Variants in CENPO observed in about 807,000 individuals in gnomAD.
The protein encoded by CENPO is centromeric protein O.
A neutral mutation model predicts 36.1 loss-of-function variants in CENPO; 30 were observed. The observed-to-expected ratio is 0.83, with a 90% CI of 0.62 to 1.13. The LOEUF (loss-of-function observed/expected upper bound fraction) is 1.13. Ranked by LOEUF, CENPO falls within the 50% of genes most tolerant of loss-of-function variation. The probability of loss-of-function intolerance (pLI) is 0.00; values close to 1 mark genes in which losing one functional copy is unlikely to be tolerated. For missense variants in CENPO, 349 were observed against 357.8 expected (o/e 0.98, Z 0.20); for synonymous variants, 171 against 142.3 (o/e 1.20, Z -1.44).
At position 24,815,504 on chromosome 2, in the gene CENPO, T is replaced by G; in HGVS notation, c.342T>G (p.Ser114Arg). 1 of 1,613,796 alleles carries G rather than the reference T, an allele frequency of 6.2e-7. No homozygotes were observed. The highest frequency in any genetic ancestry group is 8.5e-7 in the Non-Finnish European group (1 of 1,179,722). The change falls in exon 5 of 8, where the codon AGT (serine) becomes AGG (arginine). Residue 114 changes from serine (S) to arginine (R), a missense_variant. Physicochemically the swap from Ser to Arg is moderately radical, Grantham distance 110. Coordinates refer to ENST00000380834, the MANE Select transcript of CENPO (RefSeq NM_001322101.2). ...TCTTCTTGTTTGCCTCAGGCCTCAG[T>G]GGTAAACTGACCAGCCGAGGAGTTT... ...ILQAYHFTGL[S>R]GKLTSRGVCV...
At position 24,822,006 on chromosome 2, in the gene CENPO, G is replaced by A. The variant is rs576205416; in HGVS notation, c.*2688G>A. 1.6e-4 allele frequency: 37 copies of A among 236,430 alleles called. No homozygotes were observed. In the East Asian group the frequency reaches 1.7e-3, roughly 11 times the overall value. The allele number at this position is 236,430 out of a possible 1,614,324, so 14.6% of individuals were successfully genotyped here. ...TGGAGGGGGATGACCCGCCTTGGACGTGTTTCTTTAACCTCATCCATATAA... is the reference window on the plus strand; with the variant it reads ...TGGAGGGGGATGACCCGCCTTGGACATGTTTCTTTAACCTCATCCATATAA... On this transcript the variant is annotated 3_prime_UTR_variant, in exon 8 of 8. Transcript: ENST00000380834.
intron 2 of CENPO, among the ~76,000 whole-genome samples, chr2:24,796,946 G>A (rs1364568305): frequency 1.3e-5 from 2 of 152,180 alleles, no homozygotes; most frequent in Non-Finnish European, 2.9e-5. Flanking sequence ...GGAGCAGCAT[G>A]ATACTGATGA....
intron 5 of CENPO, 135 bp downstream of exon 5, chr2:24,815,891 A>G (rs1666919717): frequency 1.2e-6 from 1 of 810,322 alleles, no homozygotes; most frequent in South Asian, 1.8e-5. Context: ...CTTGTTTCTT[A>G]TTTATATAAA....
Position 24,821,052 on chromosome 2 carries a change from C to T in CENPO, c.*1734C>T, listed in dbSNP as rs372000083. 1.2e-5 allele frequency: 8 copies of T among 658,458 alleles called. No individual in the cohort carries two copies. Among genetic ancestry groups the T allele is most frequent in the Admixed American group, 9.6e-5 (3 of 31,190 alleles). 40.8% of individuals were successfully genotyped at this position (658,458 alleles called of 1,614,324 possible). ...CTTGTTAGGTGTCAGCCGCCACCCC[C>T]CCCCCATATGCAGATTTACTCGGCA... On this transcript the variant is annotated 3_prime_UTR_variant, in exon 8 of 8. Coordinates refer to ENST00000380834, the MANE Select transcript of CENPO (RefSeq NM_001322101.2).
rs1666903966 is a variant in CENPO at position 24,815,595 on chromosome 2, C to A, written c.433C>A (p.Gln145Lys). The change falls in exon 5 of 8, where the codon CAG (glutamine) becomes AAG (lysine). Residue 145 changes from glutamine to lysine, a missense_variant. Gln to Lys is a moderately conservative substitution (Grantham distance 53). Transcript: ENST00000380834. ...TTCCTATTTTGTGGACCTTGTCATACAGAAACCACTCCGGATACATCACCA... is the reference window on the plus strand; with the variant it reads ...TTCCTATTTTGTGGACCTTGTCATAAAGAAACCACTCCGGATACATCACCA... ...LDSYFVDLVI[Q>K]KPLRIHHHSV... 1.9e-6 allele frequency: 3 copies of A among 1,613,986 alleles called. No homozygotes were observed. The highest frequency in any genetic ancestry group is 1.6e-4 in the Middle Eastern group (1 of 6,084).
At chr2:24,799,590 T>C in intron 2 of CENPO, 85 bp from the exon 3 acceptor site, 2 of 995,082 alleles carry the variant, frequency 2.0e-6, no homozygotes, top group Non-Finnish European at 2.9e-6. Context: ...AAAAAAAGAG[T>C]CACCTGTTCT....
chr2:24,793,643 C>T, intron 1 of CENPO, 142 bp downstream of exon 1: 6 of 1,322,474 alleles, frequency 4.5e-6, no homozygotes, highest in African/African-American at 1.5e-5. Flanking sequence ...CTCGGGAGCG[C>T]GCCGGGGCCG....
chr2:24,820,295 A>G lies in CENPO; in HGVS notation c.*977A>G. 2.3e-6 allele frequency: 3 copies of G among 1,285,018 alleles called. No homozygotes were observed. Among genetic ancestry groups the G allele is most frequent in the Non-Finnish European group, 3.0e-6 (3 of 998,930 alleles). 79.6% of individuals were successfully genotyped at this position (1,285,018 alleles called of 1,614,324 possible). A position where few individuals can be genotyped will look rare whatever the true frequency, so the allele number is the denominator to read the frequency against. ...GTGGCGAGCAGCGGGTGGGAAGGAG[A>G]ACCCTGGAGTGACTGGCTGGGGGCC... On this transcript the variant is annotated 3_prime_UTR_variant, in exon 8 of 8. Coordinates refer to ENST00000380834, the MANE Select transcript of CENPO (RefSeq NM_001322101.2).
At chr2:24,793,807 A>G in intron 1 of CENPO, 45 bp from the exon 2 acceptor site, 7 of 1,424,306 alleles carry the variant, frequency 4.9e-6, no homozygotes, top group Non-Finnish European at 6.9e-6. Flanking sequence ...CTGGGTTTGA[A>G]TGGGACTAGA....
chr2:24,803,622 C>A (rs1230820910), intron 3 of CENPO, among the ~76,000 whole-genome samples: 1 of 152,106 alleles, frequency 6.6e-6, no homozygotes, highest in Non-Finnish European at 1.5e-5. Flanking sequence ...GTTCAGTTTC[C>A]ATGTAGTTGA....
intron 1 of CENPO, 24 bp from the exon 2 acceptor site, chr2:24,793,828 C>G: frequency 6.4e-7 from 1 of 1,554,082 alleles, no homozygotes; most frequent in Non-Finnish European, 8.9e-7. Context: ...TGTGATGTGA[C>G]TGTTGCCATT....
At position 24,821,189 on chromosome 2, in the gene CENPO, C is replaced by G. The variant is rs1667643453; in HGVS notation, c.*1871C>G. The G allele has an allele frequency of 2.3e-6, 1 of 432,644 alleles. No homozygotes were observed. Among genetic ancestry groups the G allele is most frequent in the East Asian group, 4.4e-5 (1 of 22,756 alleles). 26.8% of individuals were successfully genotyped at this position (432,644 alleles called of 1,614,324 possible). ...GGTGATCTTAACTCCTTTCAAAGAG[C>G]AGGCCTGTCTGGGAAGCCATGTCCT... On this transcript the variant is annotated 3_prime_UTR_variant, in exon 8 of 8. Coordinates refer to ENST00000380834, the MANE Select transcript of CENPO (RefSeq NM_001322101.2).
rs1345641829 is a variant in CENPO at position 24,793,445 on chromosome 2, G to A, written c.-125G>A. The A allele has an allele frequency of 1.9e-6, 3 of 1,606,232 alleles. No individual in the cohort carries two copies. The highest frequency in any genetic ancestry group is 1.7e-5 in the Admixed American group (1 of 59,194). On this transcript the variant is annotated 5_prime_UTR_variant, in exon 1 of 8. Transcript: ENST00000380834. ...ACGGCAGGATCGCAAAGCACGCCGG[G>A]ACCGGTTGGTTTGGTTTTGAAGACG... is the stretch of plus-strand genomic sequence containing the variant.
chr2:24,821,484 C>A lies in CENPO; in HGVS notation c.*2166C>A, dbSNP rs1667703045. 1.2e-6 allele frequency: 2 copies of A among 1,610,712 alleles called. No homozygotes were observed. The highest frequency in any genetic ancestry group is 2.7e-5 in the African/African-American group (2 of 74,900). On this transcript the variant is annotated 3_prime_UTR_variant, in exon 8 of 8. Coordinates refer to ENST00000380834, the MANE Select transcript of CENPO (RefSeq NM_001322101.2). ...CCAGGCCCCTGCATGGGAAGGGAGC[C>A]TGCTGCGGGGCAGGCCAGCTGGGGG...
intron 3 of CENPO, 117 bp downstream of exon 3, chr2:24,799,961 A>G (rs1666089294): frequency 8.6e-7 from 1 of 1,165,998 alleles, no homozygotes; most frequent in East Asian, 2.4e-5. Context: ...TACTGGATTG[A>G]TTGCAGTCCT....
Position 24,821,614 on chromosome 2 carries a change from C to T in CENPO, c.*2296C>T. On this transcript the variant is annotated 3_prime_UTR_variant, in exon 8 of 8. Transcript: ENST00000380834. Reference sequence around the variant, plus strand: ...AGTCGGCCAGGTCAGCCAGGTGCTGCCAGCGCTCTCTCTCGGACTTGTCTT... The same window carrying T: ...AGTCGGCCAGGTCAGCCAGGTGCTGTCAGCGCTCTCTCTCGGACTTGTCTT... The T allele has an allele frequency of 1.2e-6, 2 of 1,614,154 alleles. No individual in the cohort carries two copies. Among genetic ancestry groups the T allele is most frequent in the Non-Finnish European group, 1.7e-6 (2 of 1,180,026 alleles).
At chr2:24,795,716 AC>A (rs1665870374) in intron 2 of CENPO, among the ~76,000 whole-genome samples, 1 of 152,088 alleles carries the variant, frequency 6.6e-6, no homozygotes, top group Non-Finnish European at 1.5e-5. Flanking sequence ...CTCCTCTACC[AC>A]CCTAAATTAT....
At chr2:24,812,595 C>T (rs528625802) in intron 3 of CENPO, among the ~76,000 whole-genome samples, 1 of 151,912 alleles carries the variant, frequency 6.6e-6, no homozygotes, top group South Asian at 2.1e-4. Flanking sequence ...TTATTTTTTT[C>T]TCTGTACTTT....
chr2:24,808,907 G>T lies in CENPO; in HGVS notation c.217-5469G>T, dbSNP rs148866358. 4.7e-3 allele frequency among the ~76,000 whole-genome samples: 699 copies of T among 148,572 alleles called. 2 individuals are homozygous for T. The highest frequency in any genetic ancestry group is 5.7e-3 in the Non-Finnish European group (380 of 67,162). On this transcript the variant is annotated intron_variant, in intron 3 of 7. Transcript: ENST00000380834. ...TTCCTTTTTTTTTTTTCTATTCTTTGAAAGACTTTAGATAAAATTGGTGTT... is the reference window on the plus strand; with the variant it reads ...TTCCTTTTTTTTTTTTCTATTCTTTTAAAGACTTTAGATAAAATTGGTGTT...
Sources: allele counts gnomAD v4.1 joint callset (sites outside exome capture counted in the v4.1 genomes callset), GRCh38; gene constraint gnomAD v4.1.1; transcripts MANE v1.5; gene names NCBI Gene and HGNC (gene_info 2026-07-23, HGNC 2026-07-21).